Variants in KALRN observed in about 807,000 individuals in gnomAD.
KALRN encodes kalirin.
Under a neutral mutation model 353.7 loss-of-function variants are expected in KALRN, and 70 were observed. That is an observed-to-expected ratio of 0.20 (90% CI 0.16 to 0.24). The LOEUF (loss-of-function observed/expected upper bound fraction) is 0.24. KALRN is among the 10% of genes least tolerant of loss of function. The probability of loss-of-function intolerance (pLI) is 1.00; values close to 1 mark genes in which losing one functional copy is unlikely to be tolerated. For synonymous variants in KALRN, 1,391 were observed against 1,434.8 expected (o/e 0.97, Z 0.69); for missense variants, 2,791 against 3,756.7 (o/e 0.74, Z 6.72).
At chr3:124,578,622 G>A (rs1205120286) in intron 34 of KALRN, among the ~76,000 whole-genome samples, 1 of 152,138 alleles carries the variant, frequency 6.6e-6, no homozygotes, top group Non-Finnish European at 1.5e-5. Flanking sequence ...CCCATAGATT[G>A]GCCGGGCTTG....
At chr3:124,346,639 G>A (rs922022766) in intron 9 of KALRN, among the ~76,000 whole-genome samples, 14 of 152,184 alleles carry the variant, frequency 9.2e-5, no homozygotes, top group Non-Finnish European at 1.8e-4. Flanking sequence ...GACTACCCTG[G>A]ACTTTGCTTT....
chr3:124,605,094 C>T (rs1036811696), intron 34 of KALRN, among the ~76,000 whole-genome samples: 9 of 151,764 alleles, frequency 5.9e-5, no homozygotes, highest in Non-Finnish European at 1.0e-4. Flanking sequence ...GCCCAGGAGG[C>T]GAAAGTTGAA....
intron 34 of KALRN, among the ~76,000 whole-genome samples, chr3:124,616,226 G>T (rs1019764242): frequency 6.6e-6 from 1 of 152,082 alleles, no homozygotes; most frequent in Non-Finnish European, 1.5e-5. Flanking sequence ...AAACTTTCCA[G>T]AGCCACCCTG....
intron 34 of KALRN, among the ~76,000 whole-genome samples, chr3:124,603,197 A>G (rs2076987591): frequency 6.6e-6 from 1 of 152,150 alleles, no homozygotes; most frequent in Admixed American, 6.5e-5. Context: ...ATGTTTGTCT[A>G]CCTTTGCCAG....
intron 3 of KALRN, among the ~76,000 whole-genome samples, chr3:124,239,772 G>A (rs529709719): frequency 6.6e-6 from 1 of 152,270 alleles, no homozygotes; most frequent in South Asian, 2.1e-4. Flanking sequence ...TATTTTCTGC[G>A]TGAGAGAGCC....
chr3:124,331,272 G>T (rs1474162829), intron 8 of KALRN, among the ~76,000 whole-genome samples: 1 of 152,124 alleles, frequency 6.6e-6, no homozygotes, highest in Non-Finnish European at 1.5e-5. Context: ...ATACTACTCA[G>T]CCATAAAAAG....
At position 124,696,201 on chromosome 3, in the gene KALRN, A is replaced by C. The variant is rs1312237546; in HGVS notation, c.7645A>C (p.Ile2549Leu). The change falls in exon 54 of 60, where the codon ATA becomes CTA. Residue 2549 changes from isoleucine (I) to leucine (L), a missense_variant. By Grantham distance (5) the Ile-to-Leu change is conservative. This residue lies in a region of KALRN where 1,065 missense variants were observed against 1,156.4 expected (regional missense o/e 0.92). Coordinates refer to ENST00000682506, the MANE Select transcript of KALRN (RefSeq NM_001388419.1). ...MPQDSGIYTC[I>L]ATNDHGTTST... ...CCAAGACAGTGGGATTTATACCTGC[A>C]TAGCAACAAATGACCACGGGACCAC... The C allele has an allele frequency of 6.2e-7, 1 of 1,614,036 alleles. No homozygotes were observed. The highest frequency in any genetic ancestry group is 1.1e-5 in the South Asian group (1 of 91,084).
At chr3:124,078,996 A>T (rs1401221726) in intron 1 of KALRN, among the ~76,000 whole-genome samples, 1 of 152,194 alleles carries the variant, frequency 6.6e-6, no homozygotes, top group Non-Finnish European at 1.5e-5. Context: ...ATATACTTTC[A>T]TGCTGTCAGG....
chr3:124,604,344 A>G (rs4678130), intron 34 of KALRN, among the ~76,000 whole-genome samples: 90,664 of 151,930 alleles, frequency 0.6, 27,269 homozygotes, highest in East Asian at 0.83. Flanking sequence ...CAGAGTGAGG[A>G]TGTGGAAGTT....
chr3:124,495,983 A>ATGTG (rs1561136538), intron 32 of KALRN, among the ~76,000 whole-genome samples: 1 of 46,210 alleles, frequency 2.2e-5, no homozygotes, highest in African/African-American at 1.4e-4. Flanking sequence ...ATATATATAT[A>ATGTG]TATATATATA....
chr3:124,579,764 A>G (rs2074447370), intron 34 of KALRN, among the ~76,000 whole-genome samples: 1 of 152,194 alleles, frequency 6.6e-6, no homozygotes, highest in South Asian at 2.1e-4. Flanking sequence ...ATCAACTTAG[A>G]AATCTTGTTG....
intron 30 of KALRN, 67 bp from the exon 31 acceptor site, chr3:124,491,256 A>T: frequency 9.5e-7 from 1 of 1,051,946 alleles, no homozygotes; most frequent in Non-Finnish European, 1.4e-6. Context: ...TTCCCTTCCC[A>T]CCCCAGCCCT....
At chr3:124,561,746 G>C (rs1297580131) in intron 33 of KALRN, among the ~76,000 whole-genome samples, 1 of 152,146 alleles carries the variant, frequency 6.6e-6, no homozygotes, top group African/African-American at 2.4e-5. Flanking sequence ...CTGCTTTTGG[G>C]GTGAACTTTA....
At chr3:124,608,612 G>A (rs1043736134) in intron 34 of KALRN, among the ~76,000 whole-genome samples, 1 of 152,086 alleles carries the variant, frequency 6.6e-6, no homozygotes, top group East Asian at 1.9e-4. Flanking sequence ...CTGGCTTCTG[G>A]GAGCTGCCTT....
At chr3:124,098,682 A>G (rs1342793573) in intron 1 of KALRN, among the ~76,000 whole-genome samples, 1 of 152,084 alleles carries the variant, frequency 6.6e-6, no homozygotes, top group Non-Finnish European at 1.5e-5. Flanking sequence ...ACTTGCGCCT[A>G]CCTGTCTTCC....
At chr3:124,126,274 A>G (rs373500463) in intron 1 of KALRN, among the ~76,000 whole-genome samples, 42 of 152,244 alleles carry the variant, frequency 2.8e-4, no homozygotes, top group East Asian at 2.1e-3. Context: ...AGGATTTTTC[A>G]GTAGGATTCC....
chr3:124,352,391 G>A (rs1474180211), intron 10 of KALRN, among the ~76,000 whole-genome samples: 1 of 152,134 alleles, frequency 6.6e-6, no homozygotes, highest in Admixed American at 6.5e-5. Context: ...CTCTGTTAGT[G>A]TTCTGCTTTA....
intron 43 of KALRN, among the ~76,000 whole-genome samples, chr3:124,659,840 T>C (rs1444287832): frequency 6.7e-6 from 1 of 149,574 alleles, no homozygotes; most frequent in African/African-American, 2.4e-5. Context: ...AGATTAGTAA[T>C]ACCTAAAATT....
chr3:124,135,103 A>G (rs918173760), intron 1 of KALRN, among the ~76,000 whole-genome samples: 2 of 152,216 alleles, frequency 1.3e-5, no homozygotes, highest in Non-Finnish European at 2.9e-5. Flanking sequence ...ACAGTTCACA[A>G]TTGCAAAATT....
Sources: gnomAD v4.1 joint callset for allele counts (sites outside exome capture counted in the v4.1 genomes callset) on GRCh38, gnomAD v4.1.1 for gene constraint, gnomAD v4.1.1 regional missense constraint, MANE v1.5 for transcripts, NCBI Gene and HGNC (gene_info 2026-07-23, HGNC 2026-07-21) for gene names.